Variants in TJP1 observed in about 807,000 individuals in gnomAD.
The protein encoded by TJP1 is tight junction protein ZO-1.
A neutral mutation model predicts 194.2 loss-of-function variants in TJP1; 43 were observed. The ratio of observed to expected loss-of-function variants is 0.22; its 90% CI spans 0.17 to 0.29. TJP1 has a LOEUF of 0.29. Ranked by LOEUF, TJP1 falls within the 10% of genes least tolerant of loss-of-function variation. The pLI, the probability that TJP1 is intolerant of heterozygous loss-of-function variation, is 1.00. For missense variants in TJP1, 1,971 were observed against 2,185.7 expected (o/e 0.90, Z 1.96); for synonymous variants, 801 against 779.0 (o/e 1.03, Z -0.47).
chr15:29,890,977 C>A (rs2053288282), intron 2 of TJP1, among the ~76,000 whole-genome samples: 1 of 152,232 alleles, frequency 6.6e-6, no homozygotes, highest in Non-Finnish European at 1.5e-5. Context: ...GGCACTGGCA[C>A]CAGGCCAAGC....
In TJP1 at chr15:29,752,185, C is replaced by G. The variant is rs982494167; in HGVS notation, c.1010+8954G>C. Among the ~76,000 whole-genome samples, 3 of 152,094 alleles carry G rather than the reference C, an allele frequency of 2.0e-5. No individual in the cohort carries two copies. The East Asian group carries it at 5.8e-4, about 29-fold the overall frequency. On this transcript the variant is annotated intron_variant, in intron 8 of 27. Coordinates refer to ENST00000614355, the MANE Select transcript of TJP1 (RefSeq NM_001330239.4). Reference sequence around the variant, plus strand: ...TGGCATGATCTCGGCTCACTGCAACCTCTGCCTCCCAGGTTCAAGCGATTC... The same window carrying G: ...TGGCATGATCTCGGCTCACTGCAACGTCTGCCTCCCAGGTTCAAGCGATTC...
At chr15:29,864,632 T>C (rs2052235805) in intron 2 of TJP1, among the ~76,000 whole-genome samples, 1 of 152,146 alleles carries the variant, frequency 6.6e-6, no homozygotes, top group Admixed American at 6.5e-5. Context: ...AAAAGGGCAG[T>C]AGAGGAAGGA....
At chr15:29,742,475 G>T (rs946198742) in intron 9 of TJP1, among the ~76,000 whole-genome samples, 167 bp downstream of exon 9, 5 of 152,168 alleles carry the variant, frequency 3.3e-5, no homozygotes, top group African/African-American at 1.2e-4. Flanking sequence ...AAAGGCAACT[G>T]ATTTGTGCCA....
chr15:29,936,309 C>T (rs147373555), intron 2 of TJP1, among the ~76,000 whole-genome samples: 93 of 152,320 alleles, frequency 6.1e-4, no homozygotes, highest in Non-Finnish European at 1.2e-3. Context: ...AACATTAACA[C>T]GCCACTAAAT....
intron 2 of TJP1, among the ~76,000 whole-genome samples, chr15:29,879,392 C>G (rs1165969372): frequency 2.6e-5 from 4 of 152,220 alleles, no homozygotes; most frequent in African/African-American, 9.6e-5. Flanking sequence ...CCCTATCCCT[C>G]CAGCTGCCTC....
chr15:29,781,664 T>C (rs1326711497), intron 2 of TJP1, among the ~76,000 whole-genome samples: 1 of 152,158 alleles, frequency 6.6e-6, no homozygotes, highest in Non-Finnish European at 1.5e-5. Context: ...GTTCAACATA[T>C]GCAAATCATT....
chr15:29,889,680 C>T lies in TJP1; in HGVS notation c.306+66552G>A, dbSNP rs189466030. Among the ~76,000 whole-genome samples, 145 of 152,312 alleles carry T rather than the reference C, an allele frequency of 9.5e-4. 1 individual carries two copies. The highest frequency in any genetic ancestry group is 9.4e-3 in the Admixed American group (144 of 15,300). ...CTAGGCTCCACGGAGCAGGCACACC[C>T]ATGGGAAACTTTGATATGAATGTCA... On this transcript the variant is annotated intron_variant, in intron 2 of 28. Transcript: ENST00000356107.
At chr15:29,869,418 G>GT (rs1434733116) in intron 2 of TJP1, among the ~76,000 whole-genome samples, 1 of 152,194 alleles carries the variant, frequency 6.6e-6, no homozygotes, top group Non-Finnish European at 1.5e-5. Flanking sequence ...GGGAGTGTGT[G>GT]TTAGACGTGA....
rs202146259 is a variant in TJP1, at chr15:29,839,160, G to C, written c.307-38458C>G. Among the ~76,000 whole-genome samples the C allele has an allele frequency of 8.0e-4, 121 of 151,512 alleles. 1 individual carries two copies. In the East Asian group the frequency reaches 0.021, roughly 26 times the overall value. Reference sequence around the variant, plus strand: ...ACTACAGGAGCCCACCACCATGCCCGGCTAATCTTTTGTATTTTTACTAGA... The same window carrying C: ...ACTACAGGAGCCCACCACCATGCCCCGCTAATCTTTTGTATTTTTACTAGA... On this transcript the variant is annotated intron_variant, in intron 2 of 28. Transcript: ENST00000356107.
At chr15:29,881,124 A>G (rs921553373) in intron 2 of TJP1, among the ~76,000 whole-genome samples, 25 of 152,104 alleles carry the variant, frequency 1.6e-4, no homozygotes, top group African/African-American at 6.0e-4. Flanking sequence ...GGTTTTTTTC[A>G]TAACAGCTAT....
intron 18 of TJP1, among the ~76,000 whole-genome samples, chr15:29,725,058 A>T (rs1408161748): frequency 6.6e-6 from 1 of 152,240 alleles, no homozygotes; most frequent in Non-Finnish European, 1.5e-5. Flanking sequence ...AAGGATGTTA[A>T]CAGAATTGTG....
At chr15:29,794,902 T>C (rs919392713) in intron 2 of TJP1, among the ~76,000 whole-genome samples, 1 of 151,784 alleles carries the variant, frequency 6.6e-6, no homozygotes, top group African/African-American at 2.4e-5. Flanking sequence ...GAAAACAGAA[T>C]AAAGAATGTC....
intron 1 of TJP1, among the ~76,000 whole-genome samples, chr15:29,820,331 T>C (rs891193257): frequency 2.0e-5 from 3 of 152,156 alleles, no homozygotes; most frequent in Non-Finnish European, 4.4e-5. Flanking sequence ...TATTCATTTA[T>C]GGCCTGTTTT....
At chr15:29,843,187 T>C (rs1014056178) in intron 2 of TJP1, among the ~76,000 whole-genome samples, 1 of 24,626 alleles carries the variant, frequency 4.1e-5, no homozygotes, top group Non-Finnish European at 1.4e-4. Context: ...TTTTCTTTTC[T>C]TTTTTTTTTT....
In TJP1 at chr15:29,882,355, C is replaced by T. The variant is rs376949414; in HGVS notation, c.306+73877G>A. ...CCGACTTTAAATATGAAATGGCTTT[C>T]ATACCTTCATCTCATTGCCAGTATC... On this transcript the variant is annotated intron_variant, in intron 2 of 28. Transcript: ENST00000356107. 7.9e-5 allele frequency among the ~76,000 whole-genome samples: 12 copies of T among 152,312 alleles called. No individual in the cohort carries two copies. In the East Asian group the frequency reaches 2.3e-3, roughly 29 times the overall value.
At chr15:29,953,421 C>T (rs908143986) in intron 2 of TJP1, among the ~76,000 whole-genome samples, 1 of 152,020 alleles carries the variant, frequency 6.6e-6, no homozygotes, top group African/African-American at 2.4e-5. Context: ...GGATTACAGA[C>T]GTGAGCCACC....
intron 2 of TJP1, among the ~76,000 whole-genome samples, chr15:29,895,307 T>C (rs2053442442): frequency 6.6e-6 from 1 of 152,184 alleles, no homozygotes; most frequent in Admixed American, 6.5e-5. Flanking sequence ...TCTCACATTT[T>C]ACTATAAGCA....
At chr15:29,863,860 G>A (rs149138026) in intron 2 of TJP1, among the ~76,000 whole-genome samples, 90 of 152,220 alleles carry the variant, frequency 5.9e-4, no homozygotes, top group African/African-American at 2.0e-3. Flanking sequence ...CCTGGTTCAT[G>A]GCCTCTCATG....
intron 19 of TJP1, 140 bp from the exon 20 acceptor site, chr15:29,720,156 G>GAAA: frequency 9.9e-7 from 1 of 1,007,764 alleles, no homozygotes; most frequent in Non-Finnish European, 1.3e-6. Context: ...AACTTTTTGG[G>GAAA]AAAAAAAAAA....
Sources: gnomAD v4.1 joint callset for allele counts (sites outside exome capture counted in the v4.1 genomes callset) on GRCh38, gnomAD v4.1.1 for gene constraint, MANE v1.5 for transcripts, NCBI Gene and HGNC (gene_info 2026-07-23, HGNC 2026-07-21) for gene names.